The following C10orf90 variants were observed in gnomAD, a reference collection of about 807,000 sequenced individuals.
C10orf90 encodes (E2-independent) E3 ubiquitin-conjugating enzyme FATS.
A neutral mutation model predicts 62.5 loss-of-function variants in C10orf90; 56 were observed. That is an observed-to-expected ratio of 0.90 (90% CI 0.72 to 1.12). The LOEUF (loss-of-function observed/expected upper bound fraction) is 1.12, where lower values mean the gene tolerates loss of function less well. C10orf90 is among the 50% of genes most tolerant of loss of function. The pLI, the probability that C10orf90 is intolerant of heterozygous loss-of-function variation, is 0.00. For synonymous variants in C10orf90, 386 were observed against 340.4 expected, an observed-to-expected ratio of 1.13 and a Z score of -1.47; for missense variants, 970 against 880.4, an observed-to-expected ratio of 1.10 and a Z score of -1.29.
chr10:126,579,271 CTTTCTT>C lies in C10orf90; in HGVS notation c.314-65338_314-65333del, dbSNP rs1218457836. ...CAAATCTATATTTCTTTCTTTCTTT[CTTTCTT>C]TTTTTTTTTTTTTGAGACAGAGTCT... On this transcript the variant is annotated intron_variant, in intron 2 of 9. Coordinates refer to ENST00000488181, the MANE Select transcript of C10orf90 (RefSeq NM_001350921.2). Among the ~76,000 whole-genome samples, 1,056 of 136,092 alleles carry C rather than the reference CTTTCTT, an allele frequency of 7.8e-3. 12 individuals are homozygous for C. The highest frequency in any genetic ancestry group is 0.027 in the African/African-American group (994 of 37,084). 89.3% of individuals were successfully genotyped at this position (136,092 alleles called of 152,430 possible).
chr10:126,669,482 A>C (rs2133883168), intron 1 of C10orf90, among the ~76,000 whole-genome samples: 1 of 152,372 alleles, frequency 6.6e-6, no homozygotes, highest in South Asian at 2.1e-4. Flanking sequence ...TGTTACATCT[A>C]TCAAAAGAGA....
chr10:126,521,154 A>AG, intron 2 of C10orf90: 1 of 843,746 alleles, frequency 1.2e-6, no homozygotes, highest in South Asian at 2.0e-5. Context: ...AAGTTGGCCC[A>AG]GGTCTTTAGA....
intron 5 of C10orf90, among the ~76,000 whole-genome samples, chr10:126,462,326 ACCACC>A (rs1051127367): frequency 1.3e-5 from 2 of 151,988 alleles, no homozygotes; most frequent in Non-Finnish European, 2.9e-5. Context: ...GCACCCTGAA[ACCACC>A]CCAGTTCTGA....
chr10:126,549,315 A>C (rs1864574207), intron 2 of C10orf90, among the ~76,000 whole-genome samples: 1 of 152,234 alleles, frequency 6.6e-6, no homozygotes, highest in South Asian at 2.1e-4. Flanking sequence ...ACTCAACAGT[A>C]AGAAAAACAA....
chr10:126,556,945 G>A (rs573832338), intron 2 of C10orf90, among the ~76,000 whole-genome samples: 1 of 151,798 alleles, frequency 6.6e-6, no homozygotes, highest in African/African-American at 2.4e-5. Context: ...GGATAAGAGG[G>A]GAGAAGAAAG....
At chr10:126,462,097 C>T (rs1490442793) in intron 5 of C10orf90, among the ~76,000 whole-genome samples, 1 of 152,100 alleles carries the variant, frequency 6.6e-6, no homozygotes. Context: ...TGGGGCTCTT[C>T]CTGGGGCCAT....
At chr10:126,570,447 C>T (rs577269582) in intron 2 of C10orf90, among the ~76,000 whole-genome samples, 41 of 152,280 alleles carry the variant, frequency 2.7e-4, no homozygotes, top group African/African-American at 9.6e-4. Flanking sequence ...TTTTACTTCA[C>T]GGTACTATAA....
At chr10:126,592,025 C>T (rs1261019889) in intron 2 of C10orf90, among the ~76,000 whole-genome samples, 1 of 152,114 alleles carries the variant, frequency 6.6e-6, no homozygotes, top group African/African-American at 2.4e-5. Context: ...AAACTACAAT[C>T]CCCTGCTCAA....
At chr10:126,626,895 C>T (rs556204468) in intron 2 of C10orf90, among the ~76,000 whole-genome samples, 1 of 152,324 alleles carries the variant, frequency 6.6e-6, no homozygotes, top group South Asian at 2.1e-4. Context: ...CAGCTGCCTC[C>T]GCTGCCATGA....
At chr10:126,606,179 AAT>A (rs1845307482) in intron 2 of C10orf90, among the ~76,000 whole-genome samples, 1 of 152,230 alleles carries the variant, frequency 6.6e-6, no homozygotes, top group African/African-American at 2.4e-5. Flanking sequence ...CTTCCAAGAC[AAT>A]ACCCTCAGGA....
At chr10:126,474,469 A>G in intron 4 of C10orf90, among the ~76,000 whole-genome samples, 1 of 152,228 alleles carries the variant, frequency 6.6e-6, no homozygotes, top group Non-Finnish European at 1.5e-5. Context: ...CCTGTCCTTC[A>G]ACTACTCTCA....
chr10:126,493,990 G>T (rs1861902040), intron 4 of C10orf90, among the ~76,000 whole-genome samples: 1 of 152,166 alleles, frequency 6.6e-6, no homozygotes, highest in Non-Finnish European at 1.5e-5. Context: ...AGCTTTTTTG[G>T]CTCTAATTTC....
chr10:126,440,302 C>A (rs2134020304), intron 7 of C10orf90, among the ~76,000 whole-genome samples: 1 of 152,222 alleles, frequency 6.6e-6, no homozygotes. Context: ...CATGACTCAG[C>A]AGAGGGAGCC....
At chr10:126,443,103 G>A (rs4448607) in intron 7 of C10orf90, among the ~76,000 whole-genome samples, 136 of 151,882 alleles carry the variant, frequency 9.0e-4, no homozygotes, top group African/African-American at 3.0e-3. Flanking sequence ...CACACCTCAA[G>A]GAACTAGAGA....
chr10:126,529,679 G>A (rs188520767), intron 2 of C10orf90, among the ~76,000 whole-genome samples: 3 of 152,166 alleles, frequency 2.0e-5, no homozygotes, highest in East Asian at 1.9e-4. Flanking sequence ...AGACCATTCC[G>A]CATCTACCCA....
At chr10:126,445,831 TG>T (rs1182385307) in intron 7 of C10orf90, among the ~76,000 whole-genome samples, 1 of 72,334 alleles carries the variant, frequency 1.4e-5, no homozygotes, top group South Asian at 5.7e-4. Flanking sequence ...ATATATACAA[TG>T]GAATACTACT....
chr10:126,600,555 G>A (rs1439090546), intron 2 of C10orf90, among the ~76,000 whole-genome samples: 1 of 152,086 alleles, frequency 6.6e-6, no homozygotes, highest in African/African-American at 2.4e-5. Context: ...CACCAAGCAG[G>A]GATGAGAAAC....
In C10orf90 at chr10:126,456,819, C is replaced by G. The variant is rs1859615658; in HGVS notation, c.2188+2221G>C. Among the ~76,000 whole-genome samples, 1 of 152,128 alleles carries G rather than the reference C, an allele frequency of 6.6e-6. No individual in the cohort carries two copies. The highest frequency in any genetic ancestry group is 1.5e-5 in the Non-Finnish European group (1 of 68,022). On this transcript the variant is annotated intron_variant, in intron 7 of 9. Coordinates refer to ENST00000488181, the MANE Select transcript of C10orf90 (RefSeq NM_001350921.2). The surrounding 1 kb of genome is among the most constrained non-coding windows in gnomAD (Gnocchi z 4.9). ...AGTGCCGCATCTACAAACCAAGGAA[C>G]ATCAAGGATTGCAGGAAGCCGCCAG...
intron 2 of C10orf90, among the ~76,000 whole-genome samples, chr10:126,551,647 G>A (rs139974354): frequency 4.6e-4 from 70 of 152,270 alleles, no homozygotes; most frequent in African/African-American, 1.7e-3. Context: ...TATGCCAGGT[G>A]CAATTACTCC....
Sources: gnomAD v4.1 joint callset for allele counts (sites outside exome capture counted in the v4.1 genomes callset) on GRCh38, gnomAD v4.1.1 for gene constraint, Gnocchi (gnomAD v3.1) non-coding constraint, MANE v1.5 for transcripts, NCBI Gene and HGNC (gene_info 2026-07-23, HGNC 2026-07-21) for gene names.